The following EDA variants were observed in gnomAD, a reference collection of about 807,000 sequenced individuals.
The protein encoded by EDA is ectodysplasin-A.
In EDA, 2 loss-of-function variants were observed where a neutral mutation model predicts 23.6. That is an observed-to-expected ratio of 0.08 (90% CI 0.03 to 0.27). The LOEUF (loss-of-function observed/expected upper bound fraction) is 0.27. Among genes scored for constraint, EDA ranks in the 10% least tolerant of loss-of-function variants. The pLI is 1.00. For missense variants in EDA, 229 were observed against 324.2 expected (o/e 0.71, Z 2.26); for synonymous variants, 131 against 132.0 (o/e 0.99, Z 0.05).
chrX:69,924,664 G>GT (rs949563862), intron 1 of EDA, among the ~76,000 whole-genome samples: 9 of 111,987 alleles, frequency 8.0e-5, no homozygotes, highest in African/African-American at 2.6e-4. Context: ...ATTTAAAGTA[G>GT]TTTTTTCTAA....
intron 2 of EDA, among the ~76,000 whole-genome samples, chrX:69,976,328 C>T (rs897838653): frequency 2.1e-4 from 23 of 110,972 alleles, no homozygotes; most frequent in Non-Finnish European, 7.6e-5. Flanking sequence ...AGAGAGGCAA[C>T]GGAAGATCAT....
At chrX:70,031,661 A>G (rs779881203) in intron 6 of EDA, among the ~76,000 whole-genome samples, 18 of 112,183 alleles carry the variant, frequency 1.6e-4, no homozygotes, top group African/African-American at 5.2e-4. Flanking sequence ...GTATTTAGCT[A>G]CTTCCCTGAC....
chrX:69,950,241 C>G (rs2018896214), intron 1 of EDA, among the ~76,000 whole-genome samples: 2 of 60,766 alleles, frequency 3.3e-5, no homozygotes, highest in Admixed American at 4.3e-4. Context: ...AACAAATTTA[C>G]AAGAAAAAAA....
chrX:69,630,991 C>G, intron 1 of EDA, among the ~76,000 whole-genome samples: 1 of 111,476 alleles, frequency 9.0e-6, no homozygotes, highest in South Asian at 3.8e-4. Context: ...ATCTTTCTGG[C>G]TCTCTGTTTA....
intron 1 of EDA, among the ~76,000 whole-genome samples, chrX:69,841,747 A>G (rs2016899749): frequency 8.9e-6 from 1 of 112,190 alleles, no homozygotes; most frequent in South Asian, 3.7e-4. Flanking sequence ...AAATTATAGA[A>G]TTACAGAAAT....
intron 1 of EDA, among the ~76,000 whole-genome samples, chrX:69,924,756 G>A (rs774251013): frequency 3.8e-4 from 43 of 112,138 alleles, no homozygotes; most frequent in Non-Finnish European, 7.5e-4. Context: ...CCATTTTCAT[G>A]ATACTGATTC....
At chrX:69,949,487 G>T (rs187067009) in intron 1 of EDA, among the ~76,000 whole-genome samples, 1 of 111,561 alleles carries the variant, frequency 9.0e-6, no homozygotes, top group African/African-American at 3.3e-5. Flanking sequence ...TAAGGCCTAG[G>T]ATTCTGCATT....
chrX:69,736,968 C>A (rs1243956171), intron 1 of EDA, among the ~76,000 whole-genome samples: 1 of 109,313 alleles, frequency 9.1e-6, no homozygotes, highest in Non-Finnish European at 1.9e-5. Flanking sequence ...AGATGGGTTT[C>A]ACCATGCTGA....
At chrX:69,851,606 A>G (rs2017136288) in intron 1 of EDA, among the ~76,000 whole-genome samples, 1 of 112,519 alleles carries the variant, frequency 8.9e-6, no homozygotes, top group South Asian at 3.7e-4. Context: ...CTCAGTAGAT[A>G]TACAATGATG....
intron 1 of EDA, among the ~76,000 whole-genome samples, chrX:69,941,663 T>C (rs2018759539): frequency 9.0e-6 from 1 of 111,436 alleles, no homozygotes; most frequent in South Asian, 3.7e-4. Context: ...AGTCTATGTT[T>C]GTCTTTATAC....
At chrX:69,659,413 T>C (rs994254913) in intron 1 of EDA, among the ~76,000 whole-genome samples, 2 of 112,136 alleles carry the variant, frequency 1.8e-5, no homozygotes, top group Admixed American at 1.9e-4. Flanking sequence ...ACAGGAACAA[T>C]ATTACTATTG....
chrX:69,677,675 G>T (rs1379834645), intron 1 of EDA, among the ~76,000 whole-genome samples: 31 of 97,595 alleles, frequency 3.2e-4, no homozygotes, highest in South Asian at 9.2e-4. Flanking sequence ...TGATGGGGTT[G>T]TTTTTTTCTT....
At chrX:69,853,669 A>C (rs1160217635) in intron 1 of EDA, among the ~76,000 whole-genome samples, 1 of 112,503 alleles carries the variant, frequency 8.9e-6, no homozygotes, top group Non-Finnish European at 1.9e-5. Flanking sequence ...AAGAAAGACA[A>C]CTAAACTCAA....
At chrX:69,666,807 CAT>C (rs1391960047) in intron 1 of EDA, among the ~76,000 whole-genome samples, 5 of 111,989 alleles carry the variant, frequency 4.5e-5, no homozygotes, top group Admixed American at 9.5e-5. Context: ...GGCCTCATAA[CAT>C]GTGTTGGAAA....
At chrX:69,978,502 CAAAA>C (rs1223244079) in intron 2 of EDA, among the ~76,000 whole-genome samples, 22 of 46,960 alleles carry the variant, frequency 4.7e-4, no homozygotes, top group Non-Finnish European at 7.6e-4. Flanking sequence ...GAATCTGTCT[CAAAA>C]AAAAAAAAAA....
chrX:69,918,677 AAGAC>A (rs1316552956), intron 1 of EDA, among the ~76,000 whole-genome samples: 2 of 112,027 alleles, frequency 1.8e-5, no homozygotes, highest in African/African-American at 6.5e-5. Flanking sequence ...TTTTCCTGTG[AAGAC>A]AGTCAACTCT....
intron 1 of EDA, among the ~76,000 whole-genome samples, chrX:69,817,341 A>C (rs2016105294): frequency 9.1e-6 from 1 of 109,737 alleles, no homozygotes; most frequent in South Asian, 3.8e-4. Context: ...CTAGCATCAT[A>C]ATGACAGGAT....
At chrX:69,651,863 A>C (rs757306428) in intron 1 of EDA, among the ~76,000 whole-genome samples, 1 of 110,507 alleles carries the variant, frequency 9.0e-6, no homozygotes, top group Non-Finnish European at 1.9e-5. Flanking sequence ...CAGTTCATCC[A>C]CTCTAACAGG....
At chrX:69,874,637 T>C (rs1274108613) in intron 1 of EDA, among the ~76,000 whole-genome samples, 1 of 111,612 alleles carries the variant, frequency 9.0e-6, no homozygotes, top group East Asian at 2.8e-4. Flanking sequence ...CTGGAAGTCC[T>C]AGCCAGAGCA....
Sources: gnomAD v4.1 joint callset for allele counts (sites outside exome capture counted in the v4.1 genomes callset) on GRCh38, gnomAD v4.1.1 for gene constraint, MANE v1.5 for transcripts, NCBI Gene and HGNC (gene_info 2026-07-23, HGNC 2026-07-21) for gene names.